The following MECOM variants were observed in gnomAD, a reference collection of about 807,000 sequenced individuals.
MECOM encodes the protein MDS1 and EVI1 complex locus, also known as histone-lysine N-methyltransferase MECOM.
A neutral mutation model predicts 116.3 loss-of-function variants in MECOM; 13 were observed. That is an observed-to-expected ratio of 0.11 (90% CI 0.07 to 0.18). The LOEUF is 0.18. Among genes scored for constraint, MECOM ranks in the 10% least tolerant of loss-of-function variants. The pLI is 1.00. For synonymous variants in MECOM, 528 were observed against 535.2 expected, an observed-to-expected ratio of 0.99 and a Z score of 0.19; for missense variants, 1,299 against 1,509.0, an observed-to-expected ratio of 0.86 and a Z score of 2.31.
chr3:169,400,001 C>T (rs1244616875), intron 1 of MECOM, among the ~76,000 whole-genome samples: 1 of 152,158 alleles, frequency 6.6e-6, no homozygotes, highest in Non-Finnish European at 1.5e-5. Flanking sequence ...AGGATAAATA[C>T]TCAACATTCT....
intron 1 of MECOM, among the ~76,000 whole-genome samples, chr3:169,416,680 TA>T (rs1479877155): frequency 3.3e-5 from 5 of 150,388 alleles, no homozygotes; most frequent in Admixed American, 2.6e-4. Context: ...ATAGGCACAA[TA>T]AAAAAAGATA....
intron 1 of MECOM, among the ~76,000 whole-genome samples, chr3:169,584,343 A>G (rs940493193): frequency 6.6e-6 from 1 of 151,724 alleles, no homozygotes; most frequent in Non-Finnish European, 1.5e-5. Flanking sequence ...GGGCGGGCGG[A>G]TCACGAGGTC....
intron 1 of MECOM, among the ~76,000 whole-genome samples, chr3:169,439,010 CCTT>C (rs1459896192): frequency 1.3e-5 from 2 of 151,268 alleles, no homozygotes; most frequent in African/African-American, 4.9e-5. Context: ...TAAAATAAGA[CCTT>C]CTGTTCATTT....
chr3:169,493,618 T>C (rs1169464226), intron 1 of MECOM, among the ~76,000 whole-genome samples: 1 of 152,192 alleles, frequency 6.6e-6, no homozygotes, highest in African/African-American at 2.4e-5. Flanking sequence ...TGTATATTTA[T>C]ATACTGGGTA....
intron 2 of MECOM, among the ~76,000 whole-genome samples, chr3:169,171,396 G>T (rs572822256): frequency 6.6e-6 from 1 of 152,052 alleles, no homozygotes; most frequent in Non-Finnish European, 1.5e-5. Flanking sequence ...GACCCTTGGC[G>T]TTATGTCTCT....
intron 1 of MECOM, among the ~76,000 whole-genome samples, chr3:169,454,762 A>AT: frequency 6.6e-6 from 1 of 152,192 alleles, no homozygotes; most frequent in Non-Finnish European, 1.5e-5. Flanking sequence ...TTCTCTTCTT[A>AT]TTACACATTT....
intron 2 of MECOM, among the ~76,000 whole-genome samples, chr3:169,229,981 A>G (rs1200864393): frequency 5.3e-5 from 8 of 152,196 alleles, no homozygotes; most frequent in Non-Finnish European, 1.5e-5. Context: ...AGCAGACTTA[A>G]TTGCATTTTT....
rs375960395 is a variant in MECOM at position 169,496,978 on chromosome 3, C to G, written c.38-115454G>C. 1.4e-4 allele frequency among the ~76,000 whole-genome samples: 21 copies of G among 152,324 alleles called. No homozygotes were observed. The East Asian group carries it at 4.0e-3, about 29-fold the overall frequency. On this transcript the variant is annotated intron_variant, in intron 1 of 16. Transcript: ENST00000651503. ...TTTAAGAAAGATTTTAGCCTTCTAT[C>G]CATTCAAACTATTACCCTATTTCTT...
intron 1 of MECOM, among the ~76,000 whole-genome samples, chr3:169,543,158 A>C (rs1297856773): frequency 3.3e-5 from 5 of 152,244 alleles, no homozygotes; most frequent in Admixed American, 2.6e-4. Flanking sequence ...AAACCAAATC[A>C]CAGAGTCCAA....
chr3:169,602,803 G>T (rs1185400631), intron 1 of MECOM, among the ~76,000 whole-genome samples: 1 of 152,162 alleles, frequency 6.6e-6, no homozygotes, highest in African/African-American at 2.4e-5. Flanking sequence ...CTCATGAGCT[G>T]CAGAGCTATG....
At chr3:169,504,177 G>GTGTGTT (rs1237097883) in intron 1 of MECOM, among the ~76,000 whole-genome samples, 1 of 149,598 alleles carries the variant, frequency 6.7e-6, no homozygotes, top group Non-Finnish European at 1.5e-5. Context: ...GTGTGTGTGT[G>GTGTGTT]TGTGTGTGTG....
At chr3:169,552,390 T>G (rs1265220970) in intron 1 of MECOM, among the ~76,000 whole-genome samples, 1 of 152,104 alleles carries the variant, frequency 6.6e-6, no homozygotes, top group East Asian at 1.9e-4. Flanking sequence ...AATTAATCAC[T>G]TTAAAATAGC....
chr3:169,476,669 C>A lies in MECOM; in HGVS notation c.38-95145G>T, dbSNP rs188414710. ...GGTACTCATGCTCTCTGCAAGTAAT[C>A]TTTTTTTTCTCCCCCTTCTCCCCCT... On this transcript the variant is annotated intron_variant, in intron 1 of 16. Coordinates refer to ENST00000651503, the MANE Select transcript of MECOM (RefSeq NM_004991.4). 2.0e-5 allele frequency among the ~76,000 whole-genome samples: 3 copies of A among 151,914 alleles called. No individual in the cohort carries two copies. In the East Asian group the frequency reaches 5.8e-4, roughly 29 times the overall value.
chr3:169,333,965 G>A (rs1723167255), intron 2 of MECOM, among the ~76,000 whole-genome samples: 1 of 143,758 alleles, frequency 7.0e-6, no homozygotes, highest in Non-Finnish European at 1.5e-5. Flanking sequence ...CCAGACGGTA[G>A]CAATTCTGTT....
At chr3:169,621,931 A>G (rs1213057553) in intron 1 of MECOM, among the ~76,000 whole-genome samples, 1 of 152,218 alleles carries the variant, frequency 6.6e-6, no homozygotes, top group East Asian at 1.9e-4. Context: ...AACCCTATAA[A>G]AAGAAGAAAA....
At chr3:169,364,983 T>A (rs1254116288) in intron 2 of MECOM, among the ~76,000 whole-genome samples, 1 of 152,094 alleles carries the variant, frequency 6.6e-6, no homozygotes, top group Non-Finnish European at 1.5e-5. Flanking sequence ...AGAATTATGA[T>A]TGCTTGTCAG....
chr3:169,345,389 T>C (rs1725175815), intron 2 of MECOM, among the ~76,000 whole-genome samples: 2 of 152,138 alleles, frequency 1.3e-5, no homozygotes. Flanking sequence ...ACCCAAGTTT[T>C]TCCCATTTTA....
At position 169,276,238 on chromosome 3, in the gene MECOM, C is replaced by T. The variant is rs114181126; in HGVS notation, c.375+104949G>A. Reference sequence around the variant, plus strand: ...AAATAATCTTAACACACAAGTAATACGAGACTATGTTTTTGTTTAAAAATG... The same window carrying T: ...AAATAATCTTAACACACAAGTAATATGAGACTATGTTTTTGTTTAAAAATG... On this transcript the variant is annotated intron_variant, in intron 2 of 16. Coordinates refer to ENST00000651503, the MANE Select transcript of MECOM (RefSeq NM_004991.4). Among the ~76,000 whole-genome samples, 757 of 152,144 alleles carry T rather than the reference C, an allele frequency of 5.0e-3. 7 individuals carry two copies. Among genetic ancestry groups the T allele is most frequent in the Admixed American group, 9.6e-3 (147 of 15,270 alleles).
chr3:169,621,712 G>C, intron 1 of MECOM, among the ~76,000 whole-genome samples: 1 of 152,148 alleles, frequency 6.6e-6, no homozygotes, highest in Non-Finnish European at 1.5e-5. Context: ...AGCTGAGTTC[G>C]TGCCACTGCA....
Sources: allele counts gnomAD v4.1 joint callset (sites outside exome capture counted in the v4.1 genomes callset), GRCh38; gene constraint gnomAD v4.1.1; transcripts MANE v1.5; gene names NCBI Gene and HGNC (gene_info 2026-07-23, HGNC 2026-07-21).